The following COL26A1 variants were observed in gnomAD, a reference collection of about 807,000 sequenced individuals.
COL26A1 encodes the protein collagen alpha-1(XXVI) chain.
COL26A1 carries 41 observed loss-of-function variants against 59.3 expected under a neutral mutation model. The ratio of observed to expected loss-of-function variants is 0.69; its 90% CI spans 0.54 to 0.90. The LOEUF is 0.90. COL26A1 is among the 40% of genes least tolerant of loss of function. The pLI, the probability that COL26A1 is intolerant of heterozygous loss-of-function variation, is 0.00. For missense variants in COL26A1, 612 were observed against 602.3 expected (o/e 1.02, Z -0.17); for synonymous variants, 266 against 256.0 (o/e 1.04, Z -0.37).
intron 2 of COL26A1, among the ~76,000 whole-genome samples, chr7:101,432,661 G>A (rs562439355): frequency 2.2e-4 from 33 of 152,276 alleles, no homozygotes; most frequent in Non-Finnish European, 4.3e-4. Flanking sequence ...TTATATCTCA[G>A]AGATCCTAAG....
chr7:101,534,654 TACACACACAC>T lies in COL26A1; in HGVS notation c.447+1525_447+1534del, dbSNP rs3073378. Among the ~76,000 whole-genome samples the T allele has an allele frequency of 8.9e-3, 1,307 of 147,626 alleles. 20 individuals carry two copies. The highest frequency in any genetic ancestry group is 0.033 in the African/African-American group (1,262 of 38,696). ...GCATGTCAATGGGCACACATACATA[TACACACACAC>T]ACACACACACACATGACACAACTGT... On this transcript the variant is annotated intron_variant, in intron 4 of 12. Transcript: ENST00000313669.
intron 3 of COL26A1, among the ~76,000 whole-genome samples, chr7:101,465,707 A>G (rs1422124110): frequency 5.1e-5 from 7 of 138,092 alleles, no homozygotes; most frequent in Admixed American, 2.9e-4. Context: ...AAAAAAAAAA[A>G]AAAAAGAAAA....
intron 1 of COL26A1, among the ~76,000 whole-genome samples, chr7:101,376,294 G>A (rs1791317810): frequency 6.6e-6 from 1 of 152,108 alleles, no homozygotes. Context: ...GTGACAGAGT[G>A]AGACCCTGTC....
rs749060775 is a variant in COL26A1 at position 101,545,479 on chromosome 7, C to T, written c.845C>T (p.Thr282Ile). ...QGALYSLQPP[T>I]DKDNGDSRLA... ...GCCCTCTACTCCCTGCAGCCGCCTACAGACAAAGACAGTGAGTAATGCCCC... is the reference window on the plus strand; with the variant it reads ...GCCCTCTACTCCCTGCAGCCGCCTATAGACAAAGACAGTGAGTAATGCCCC... Residue 282 changes from threonine (T) to isoleucine (I), a missense_variant, in exon 7 of 13, where the codon ACA becomes ATA. Coordinates refer to ENST00000313669, the MANE Select transcript of COL26A1 (RefSeq NM_001278563.3). 48 of 1,605,286 alleles carry T rather than the reference C, an allele frequency of 3.0e-5. No homozygotes were observed. The East Asian group carries it at 7.4e-4, about 25-fold the overall frequency.
chr7:101,425,863 A>G (rs58441332), intron 2 of COL26A1, among the ~76,000 whole-genome samples: 16,682 of 121,334 alleles, frequency 0.14, 1,872 homozygotes, highest in African/African-American at 0.34. Context: ...ATGTCATTCT[A>G]TCACCCAGGC....
At chr7:101,429,587 TA>T (rs1792729192) in intron 2 of COL26A1, among the ~76,000 whole-genome samples, 1 of 107,942 alleles carries the variant, frequency 9.3e-6, no homozygotes, top group Non-Finnish European at 1.8e-5. Flanking sequence ...CTTTCTTTTT[TA>T]CTTTTTTTTT....
At chr7:101,424,348 G>A (rs138189297) in intron 2 of COL26A1, among the ~76,000 whole-genome samples, 5,791 of 151,982 alleles carry the variant, frequency 0.038, 117 homozygotes, top group African/African-American at 0.043. Flanking sequence ...CTGTAATCCC[G>A]GCACTTTGGG....
At chr7:101,529,488 C>T (rs763557623) in intron 3 of COL26A1, among the ~76,000 whole-genome samples, 17 of 152,050 alleles carry the variant, frequency 1.1e-4, no homozygotes, top group Non-Finnish European at 2.2e-4. Context: ...AGGCTGGTCT[C>T]GAACTCCTGA....
intron 1 of COL26A1, among the ~76,000 whole-genome samples, chr7:101,410,574 A>C (rs1400966310): frequency 6.6e-6 from 1 of 152,218 alleles, no homozygotes; most frequent in Non-Finnish European, 1.5e-5. Flanking sequence ...AAAGGAAAAA[A>C]TATATAACAA....
chr7:101,409,874 T>C (rs1002092697), intron 1 of COL26A1, among the ~76,000 whole-genome samples: 1 of 152,018 alleles, frequency 6.6e-6, no homozygotes, highest in Non-Finnish European at 1.5e-5. Flanking sequence ...CATTCTCCTG[T>C]TTCAGCCTCC....
At chr7:101,442,444 A>G (rs1793082161) in intron 2 of COL26A1, among the ~76,000 whole-genome samples, 1 of 151,940 alleles carries the variant, frequency 6.6e-6, no homozygotes, top group Non-Finnish European at 1.5e-5. Flanking sequence ...CCCCTGCTGC[A>G]GCAGACTCTG....
intron 1 of COL26A1, among the ~76,000 whole-genome samples, chr7:101,398,370 G>T (rs1791907921): frequency 6.6e-6 from 1 of 152,140 alleles, no homozygotes; most frequent in Non-Finnish European, 1.5e-5. Flanking sequence ...CCAGTTTCTT[G>T]ACACACAGCT....
intron 3 of COL26A1, among the ~76,000 whole-genome samples, chr7:101,473,956 T>G (rs1456511156): frequency 2.0e-5 from 3 of 152,190 alleles, no homozygotes; most frequent in Non-Finnish European, 2.9e-5. Flanking sequence ...TCCAGAGTGT[T>G]GGAAATATCC....
intron 3 of COL26A1, among the ~76,000 whole-genome samples, chr7:101,505,345 T>C (rs1279211718): frequency 6.6e-6 from 1 of 152,050 alleles, no homozygotes; most frequent in Admixed American, 6.6e-5. Flanking sequence ...TGTGCATGGG[T>C]GCATGTGTGT....
intron 3 of COL26A1, among the ~76,000 whole-genome samples, chr7:101,489,667 TCCTTCC>T (rs1451265439): frequency 2.0e-5 from 1 of 50,262 alleles, no homozygotes; most frequent in African/African-American, 2.1e-4. Flanking sequence ...CTTTCTTCCT[TCCTTCC>T]TTCCTTCCTT....
chr7:101,489,780 T>C (rs1294730846), intron 3 of COL26A1, among the ~76,000 whole-genome samples: 61 of 2,460 alleles, frequency 0.025, 9 homozygotes, highest in Non-Finnish European at 0.038. Flanking sequence ...CTTTCTTTCT[T>C]TCTTTCTTTC....
intron 8 of COL26A1, among the ~76,000 whole-genome samples, chr7:101,548,642 A>G (rs75802543): frequency 0.038 from 4,823 of 126,944 alleles, 92 homozygotes; most frequent in Middle Eastern, 0.13. Context: ...CAGAGACGCC[A>G]GGAGGGTGTC....
intron 3 of COL26A1, among the ~76,000 whole-genome samples, chr7:101,496,012 T>C (rs929025549): frequency 6.6e-6 from 1 of 152,002 alleles, no homozygotes; most frequent in East Asian, 2.0e-4. Context: ...GCCCAGGAGA[T>C]TGAGGCTGCA....
chr7:101,508,567 A>G (rs111251181), intron 3 of COL26A1, among the ~76,000 whole-genome samples: 2,457 of 151,040 alleles, frequency 0.016, 72 homozygotes, highest in African/African-American at 0.057. Context: ...GCATGAACCA[A>G]CAACCCTCCC....
Sources: allele counts gnomAD v4.1 joint callset (sites outside exome capture counted in the v4.1 genomes callset), GRCh38; gene constraint gnomAD v4.1.1; transcripts MANE v1.5; gene names NCBI Gene and HGNC (gene_info 2026-07-23, HGNC 2026-07-21).